Variants in PLB1 observed in about 807,000 individuals in gnomAD.
PLB1 encodes phospholipase B1, membrane-associated.
PLB1 carries 242 observed loss-of-function variants against 227.4 expected under a neutral mutation model. The ratio of observed to expected loss-of-function variants is 1.06; its 90% CI spans 0.96 to 1.18. PLB1 has a LOEUF of 1.18. PLB1 is among the 50% of genes most tolerant of loss of function. The pLI is 0.00. For missense variants in PLB1, 1,858 were observed against 1,816.3 expected (o/e 1.02, Z -0.42); for synonymous variants, 757 against 682.2 (o/e 1.11, Z -1.71).
chr2:28,620,694 C>T (rs761026611), intron 48 of PLB1, 51 bp downstream of exon 48: 1 of 1,606,962 alleles, frequency 6.2e-7, no homozygotes, highest in African/African-American at 1.3e-5. Context: ...CTCCCTGGGG[C>T]CAGGGCCTTC....
intron 43 of PLB1, among the ~76,000 whole-genome samples, chr2:28,608,937 C>T (rs1685064802): frequency 6.6e-6 from 1 of 152,028 alleles, no homozygotes; most frequent in African/African-American, 2.4e-5. Flanking sequence ...CTTTTTGAAA[C>T]AGGGTCTTGC....
At position 28,552,921 on chromosome 2, in the gene PLB1, A is replaced by G. The variant is rs749218620; in HGVS notation, c.1084-7A>G. 5.0e-6 allele frequency: 8 copies of G among 1,613,534 alleles called. No individual in the cohort carries two copies. The highest frequency in any genetic ancestry group is 1.3e-5 in the African/African-American group (1 of 75,012). On this transcript the variant is annotated splice_region_variant and splice_polypyrimidine_tract_variant and intron_variant, in intron 16 of 57. Transcript: ENST00000327757. ...TTTTCCTTATTTCCCTGTGTGTCTCATTTCAGGTAAGAGAAGGAGCGGAAA... is the reference window on the plus strand; with the variant it reads ...TTTTCCTTATTTCCCTGTGTGTCTCGTTTCAGGTAAGAGAAGGAGCGGAAA...
intron 41 of PLB1, 72 bp downstream of exon 41, chr2:28,604,831 C>T: frequency 7.3e-7 from 1 of 1,367,312 alleles, no homozygotes; most frequent in Non-Finnish European, 1.0e-6. Flanking sequence ...CAGTTGCTTC[C>T]ACGAGCATGT....
rs553348772 is a variant in PLB1, at chr2:28,596,363, C to T, written c.2322-1642C>T. 3.2e-4 allele frequency among the ~76,000 whole-genome samples: 48 copies of T among 152,276 alleles called. 1 individual carries two copies. The highest frequency in any genetic ancestry group is 3.9e-4 in the Admixed American group (6 of 15,304). On this transcript the variant is annotated intron_variant, in intron 33 of 57. Coordinates refer to ENST00000327757, the MANE Select transcript of PLB1 (RefSeq NM_153021.5). ...GTTTATTTGTCATAATCCTTTTCTT[C>T]TGGAAGTTTTCACTTTAAAATGGAA...
intron 4 of PLB1, 144 bp downstream of exon 4, chr2:28,519,907 T>C: frequency 5.7e-6 from 2 of 353,572 alleles, no homozygotes; most frequent in Non-Finnish European, 1.0e-5. Flanking sequence ...TGAATCTTTT[T>C]ATTTTTATTT....
intron 17 of PLB1, among the ~76,000 whole-genome samples, chr2:28,557,025 C>T (rs1054714739): frequency 1.3e-5 from 2 of 151,756 alleles, no homozygotes. Flanking sequence ...GTCATGAGGC[C>T]GTCTCTGTGG....
intron 4 of PLB1, among the ~76,000 whole-genome samples, chr2:28,520,951 G>A (rs978379987): frequency 2.0e-5 from 3 of 152,012 alleles, no homozygotes; most frequent in Non-Finnish European, 4.4e-5. Context: ...CTCCGGCCTG[G>A]GAAACAAGAG....
At chr2:28,503,303 C>G (rs1220490195) in intron 1 of PLB1, among the ~76,000 whole-genome samples, 1 of 151,642 alleles carries the variant, frequency 6.6e-6, no homozygotes, top group Non-Finnish European at 1.5e-5. Context: ...CAGGTGCATA[C>G]TACCACACCT....
chr2:28,554,467 C>T (rs1433071096), intron 17 of PLB1, among the ~76,000 whole-genome samples: 2 of 130,788 alleles, frequency 1.5e-5, no homozygotes, highest in South Asian at 2.4e-4. Context: ...GCTAGGACTA[C>T]AGGCATTATC....
chr2:28,582,672 C>T (rs1052026748), intron 25 of PLB1, among the ~76,000 whole-genome samples, 167 bp downstream of exon 25: 1 of 152,142 alleles, frequency 6.6e-6, no homozygotes, highest in Non-Finnish European at 1.5e-5. Context: ...TAGGATTTTT[C>T]CACCCTGGTG....
intron 6 of PLB1, among the ~76,000 whole-genome samples, chr2:28,528,688 A>G (rs1572770177): frequency 6.6e-6 from 1 of 152,188 alleles, no homozygotes; most frequent in Non-Finnish European, 1.5e-5. Context: ...CTTGGAGATC[A>G]TATTGCCCTG....
At chr2:28,613,342 C>T (rs1685753988) in intron 43 of PLB1, among the ~76,000 whole-genome samples, 1 of 152,216 alleles carries the variant, frequency 6.6e-6, no homozygotes, top group Admixed American at 6.5e-5. Context: ...GTTTCCTGAT[C>T]TCAGTCTTAT....
At chr2:28,624,758 T>G (rs1364183981) in intron 49 of PLB1, among the ~76,000 whole-genome samples, 2 of 150,140 alleles carry the variant, frequency 1.3e-5, no homozygotes, top group Non-Finnish European at 2.9e-5. Context: ...ATGAACAGGC[T>G]TGGCTTACGA....
intron 47 of PLB1, 85 bp from the exon 48 acceptor site, chr2:28,620,515 C>CG: frequency 1.9e-5 from 29 of 1,495,992 alleles, no homozygotes; most frequent in Non-Finnish European, 2.6e-5. Context: ...GCCCAGAACC[C>CG]GGTTCCGGTT....
chr2:28,597,882 G>C (rs560922294), intron 33 of PLB1, 123 bp from the exon 34 acceptor site: 4 of 898,522 alleles, frequency 4.5e-6, no homozygotes, highest in Non-Finnish European at 5.6e-6. Flanking sequence ...AGATGGGTCT[G>C]GCCCATCTCA....
chr2:28,520,036 C>A (rs1323863589), intron 4 of PLB1, among the ~76,000 whole-genome samples: 1 of 152,100 alleles, frequency 6.6e-6, no homozygotes, highest in South Asian at 2.1e-4. Context: ...TCAAGTGATT[C>A]TCCTGCCTCA....
intron 23 of PLB1, among the ~76,000 whole-genome samples, chr2:28,581,486 AAAATAAAT>A (rs565442462): frequency 0.15 from 16,244 of 110,918 alleles, 1,417 homozygotes; most frequent in Middle Eastern, 0.24. Context: ...TCCACGCAAA[AAAATAAAT>A]AAATAAATAA....
chr2:28,537,008 G>A (rs1467568945), intron 9 of PLB1, among the ~76,000 whole-genome samples: 2 of 152,322 alleles, frequency 1.3e-5, no homozygotes, highest in African/African-American at 2.4e-5. Context: ...TCTAGACAGA[G>A]TTCCCCTGGG....
intron 12 of PLB1, among the ~76,000 whole-genome samples, chr2:28,541,159 G>A (rs925553389): frequency 6.9e-6 from 1 of 144,180 alleles, no homozygotes; most frequent in African/African-American, 2.8e-5. Flanking sequence ...GCAAGACAGC[G>A]AGACTCCGTC....
Sources: allele counts gnomAD v4.1 joint callset (sites outside exome capture counted in the v4.1 genomes callset), GRCh38; gene constraint gnomAD v4.1.1; transcripts MANE v1.5; gene names NCBI Gene and HGNC (gene_info 2026-07-23, HGNC 2026-07-21).